NECAB1: variants seen among roughly 807,000 people sequenced by gnomAD.
The protein encoded by NECAB1 is N-terminal EF-hand calcium binding protein 1.
NECAB1 carries 29 observed loss-of-function variants against 57.5 expected under a neutral mutation model. That is an observed-to-expected ratio of 0.50 (90% CI 0.38 to 0.69). NECAB1 has a LOEUF of 0.69. Ranked by LOEUF, NECAB1 falls within the 30% of genes least tolerant of loss-of-function variation. The probability of loss-of-function intolerance (pLI) is 0.00; values close to 1 mark genes in which losing one functional copy is unlikely to be tolerated. For missense variants in NECAB1, 372 were observed against 413.8 expected, an observed-to-expected ratio of 0.90 and a Z score of 0.88; for synonymous variants, 142 against 147.7, an observed-to-expected ratio of 0.96 and a Z score of 0.28.
In NECAB1 at chr8:90,928,316, C is replaced by G. The variant is rs200698180; in HGVS notation, c.693+17C>G. ...GAAAAGAAGGTAGGTGCTTTCTTTT[C>G]TTTATTCTCTCTTCCACTCTTCAAG... On this transcript the variant is annotated intron_variant, in intron 8 of 12. Coordinates refer to ENST00000417640, the MANE Select transcript of NECAB1 (RefSeq NM_022351.5). 3 of 1,562,682 alleles carry G rather than the reference C, an allele frequency of 1.9e-6. No homozygotes were observed. Among genetic ancestry groups the G allele is most frequent in the Non-Finnish European group, 2.6e-6 (3 of 1,141,734 alleles).
chr8:90,809,525 C>T (rs1172203295), intron 2 of NECAB1, among the ~76,000 whole-genome samples: 1 of 152,092 alleles, frequency 6.6e-6, no homozygotes, highest in Admixed American at 6.5e-5. Context: ...ATATAATTAG[C>T]AGATTTGGTA....
At position 90,890,060 on chromosome 8, in the gene NECAB1, G is replaced by C; in HGVS notation, c.357+8930G>C. On this transcript the variant is annotated intron_variant, in intron 5 of 12. Transcript: ENST00000417640. ...CTACCCCATTAAAAGAAATCAAATTGATTTTTGAAACTCTGACATACATGC... is the reference window on the plus strand; with the variant it reads ...CTACCCCATTAAAAGAAATCAAATTCATTTTTGAAACTCTGACATACATGC... 3.3e-5 allele frequency among the ~76,000 whole-genome samples: 5 copies of C among 152,136 alleles called. 1 individual carries two copies. In the Middle Eastern group the frequency reaches 0.017, roughly 517 times the overall value.
chr8:90,796,118 C>T (rs919976806), intron 1 of NECAB1, among the ~76,000 whole-genome samples: 1 of 152,212 alleles, frequency 6.6e-6, no homozygotes, highest in Non-Finnish European at 1.5e-5. Flanking sequence ...TTCCTTCTCT[C>T]CATCCATCTT....
At position 90,881,117 on chromosome 8, in the gene NECAB1, G is replaced by T; in HGVS notation, c.344G>T (p.Gly115Val). 1.9e-6 allele frequency: 3 copies of T among 1,593,884 alleles called. No individual in the cohort carries two copies. Among genetic ancestry groups the T allele is most frequent in the Non-Finnish European group, 2.6e-6 (3 of 1,168,258 alleles). Residue 115 changes from glycine to valine, a missense_variant, in exon 5 of 13, where the codon GGC becomes GTC. By Grantham distance (109) the Gly-to-Val change is moderately radical. Transcript: ENST00000417640. ...DLNLSILKAM[G>V]KTKKDYQEAS... The stretch of plus-strand genomic sequence containing the variant: ...AATCTTTCCATCCTGAAGGCAATGG[G>T]CAAAACAAAGAAAGTAAGAAAATGT...
chr8:90,821,704 G>T lies in NECAB1; in HGVS notation c.125-3013G>T, dbSNP rs367608979. ...TCTTTTTTCAAAATGCTCTCACATC[G>T]CCCTGTGTCTCGTAGAATCCCCCTT... is the stretch of plus-strand genomic sequence containing the variant. On this transcript the variant is annotated intron_variant, in intron 2 of 12. Coordinates refer to ENST00000417640, the MANE Select transcript of NECAB1 (RefSeq NM_022351.5). Among the ~76,000 whole-genome samples, 6 of 149,542 alleles carry T rather than the reference G, an allele frequency of 4.0e-5. 1 individual carries two copies. In the East Asian group the frequency reaches 5.9e-4, roughly 15 times the overall value.
intron 11 of NECAB1, among the ~76,000 whole-genome samples, chr8:90,950,108 G>C (rs1364571869): frequency 6.6e-6 from 1 of 152,036 alleles, no homozygotes; most frequent in African/African-American, 2.4e-5. Context: ...ATCCCACTTT[G>C]AGTCTTACCA....
chr8:90,933,527 G>A lies in NECAB1; in HGVS notation c.694-777G>A, dbSNP rs139280076. Among the ~76,000 whole-genome samples the A allele has an allele frequency of 5.8e-3, 878 of 152,252 alleles. 5 individuals carry two copies. Among genetic ancestry groups the A allele is most frequent in the Middle Eastern group, 0.01 (3 of 294 alleles). On this transcript the variant is annotated intron_variant, in intron 8 of 12. Transcript: ENST00000417640. Reference sequence around the variant, plus strand: ...CACTCATAAGTGGGAGCTAAGCTATGAGGATGCAAAGGCATAAGAATGACA... The same window carrying A: ...CACTCATAAGTGGGAGCTAAGCTATAAGGATGCAAAGGCATAAGAATGACA...
chr8:90,827,075 A>T (rs1450438774), intron 3 of NECAB1, among the ~76,000 whole-genome samples: 2 of 152,008 alleles, frequency 1.3e-5, no homozygotes, highest in African/African-American at 4.8e-5. Context: ...GATTAATTCA[A>T]ATGTTGGCAC....
chr8:90,893,651 C>G (rs921046519), intron 5 of NECAB1, among the ~76,000 whole-genome samples: 1 of 152,136 alleles, frequency 6.6e-6, no homozygotes, highest in Admixed American at 6.5e-5. Flanking sequence ...ACACAATACT[C>G]TTTCTGAACT....
chr8:90,849,686 ATTTTTTTTTTTTTTT>A (rs34779201), intron 3 of NECAB1, among the ~76,000 whole-genome samples: 2 of 84,110 alleles, frequency 2.4e-5, no homozygotes, highest in Non-Finnish European at 4.6e-5. Context: ...GTTTCCAGTA[ATTTTTTTTTTTTTTT>A]TTTTTTTTTT....
At chr8:90,827,914 C>A (rs975353985) in intron 3 of NECAB1, among the ~76,000 whole-genome samples, 3 of 151,636 alleles carry the variant, frequency 2.0e-5, no homozygotes, top group African/African-American at 7.3e-5. Context: ...TTTAAATGAA[C>A]AAATGATAAA....
intron 1 of NECAB1, among the ~76,000 whole-genome samples, chr8:90,799,146 G>T (rs1001056009): frequency 6.6e-5 from 10 of 152,078 alleles, no homozygotes; most frequent in African/African-American, 2.4e-4. Flanking sequence ...CTTCTTAATG[G>T]GGTTCTTTTT....
rs71771328 is a variant in NECAB1 at position 90,947,303 on chromosome 8, TACACACACACACAC to T, written c.861-2468_861-2455del. ...TTTTAGCTATTGGGCTAACAACACA[TACACACACACACAC>T]ACACACACACACACACACACACACA... is the stretch of plus-strand genomic sequence containing the variant. On this transcript the variant is annotated intron_variant, in intron 10 of 12. Coordinates refer to ENST00000417640, the MANE Select transcript of NECAB1 (RefSeq NM_022351.5). 1.9e-4 allele frequency among the ~76,000 whole-genome samples: 15 copies of T among 78,286 alleles called. 1 individual carries two copies. The highest frequency in any genetic ancestry group is 4.6e-4 in the Admixed American group (3 of 6,458). 51.4% of individuals were successfully genotyped at this position (78,286 alleles called of 152,430 possible).
intron 5 of NECAB1, among the ~76,000 whole-genome samples, chr8:90,886,953 G>C (rs1432745167): frequency 6.6e-6 from 1 of 151,646 alleles, no homozygotes; most frequent in African/African-American, 2.4e-5. Context: ...TGTTAAATCA[G>C]GTCATATATA....
chr8:90,859,929 T>C (rs886307048), intron 3 of NECAB1, among the ~76,000 whole-genome samples: 1 of 152,144 alleles, frequency 6.6e-6, no homozygotes, highest in Non-Finnish European at 1.5e-5. Flanking sequence ...CCAAAATGTT[T>C]ACAGGGAAAT....
intron 2 of NECAB1, among the ~76,000 whole-genome samples, chr8:90,823,370 T>C (rs568207149): frequency 6.8e-6 from 1 of 147,946 alleles, no homozygotes; most frequent in Non-Finnish European, 1.5e-5. Flanking sequence ...TTTATACTTA[T>C]ATTTTTTGCA....
chr8:90,860,257 C>A (rs1268379662), intron 3 of NECAB1, among the ~76,000 whole-genome samples: 5 of 109,344 alleles, frequency 4.6e-5, no homozygotes, highest in Admixed American at 2.1e-4. Context: ...TTTTTTTTAA[C>A]GTTCTAGGTG....
chr8:90,873,193 A>G (rs963180155), intron 4 of NECAB1, among the ~76,000 whole-genome samples: 1 of 152,212 alleles, frequency 6.6e-6, no homozygotes, highest in Non-Finnish European at 1.5e-5. Context: ...CATGCTTCTT[A>G]TCCTAGCATA....
chr8:90,942,918 C>T (rs1810709987), intron 10 of NECAB1, among the ~76,000 whole-genome samples: 1 of 152,082 alleles, frequency 6.6e-6, no homozygotes, highest in African/African-American at 2.4e-5. Flanking sequence ...CCTATATATA[C>T]ACCGTTCACA....
Sources: gnomAD v4.1 joint callset for allele counts (sites outside exome capture counted in the v4.1 genomes callset) on GRCh38, gnomAD v4.1.1 for gene constraint, MANE v1.5 for transcripts, NCBI Gene and HGNC (gene_info 2026-07-23, HGNC 2026-07-21) for gene names.